PPCDC: variants seen among roughly 807,000 people sequenced by gnomAD.
PPCDC encodes the protein phosphopantothenoylcysteine decarboxylase.
In PPCDC, 20 loss-of-function variants were observed where a neutral mutation model predicts 20.7. The observed-to-expected ratio is 0.97, with a 90% CI of 0.68 to 1.41. The LOEUF is 1.41. Among genes scored for constraint, PPCDC ranks in the 40% most tolerant of loss-of-function variants. The pLI is 0.00. For missense variants in PPCDC, 246 were observed against 263.8 expected, an observed-to-expected ratio of 0.93 and a Z score of 0.47; for synonymous variants, 88 against 100.3, an observed-to-expected ratio of 0.88 and a Z score of 0.73.
Position 75,028,313 on chromosome 15 carries a change from C to A in PPCDC, c.-6C>A. On this transcript the variant is annotated 5_prime_UTR_variant, in exon 2 of 6. Coordinates refer to ENST00000342932, the MANE Select transcript of PPCDC (RefSeq NM_021823.5). ...GCTCCCAGAACTTGAAGCCACCAGA[C>A]CCCACATGGAACCAAAGGCCTCCTG... 1 of 1,613,930 alleles carries A rather than the reference C, an allele frequency of 6.2e-7. No individual in the cohort carries two copies. The highest frequency in any genetic ancestry group is 8.5e-7 in the Non-Finnish European group (1 of 1,179,942).
intron 2 of PPCDC, among the ~76,000 whole-genome samples, chr15:75,039,288 G>A (rs931476416): frequency 2.0e-5 from 3 of 152,132 alleles, no homozygotes; most frequent in African/African-American, 7.2e-5. Context: ...AGGGTTATTT[G>A]TTTTTTCCAG....
At chr15:75,037,865 C>A (rs960468438) in intron 2 of PPCDC, among the ~76,000 whole-genome samples, 6 of 152,030 alleles carry the variant, frequency 3.9e-5, no homozygotes, top group African/African-American at 1.4e-4. Flanking sequence ...CATCTCCTGT[C>A]CTGGGCAAGT....
intron 2 of PPCDC, among the ~76,000 whole-genome samples, chr15:75,040,899 A>G (rs2066145064): frequency 1.3e-5 from 2 of 152,178 alleles, no homozygotes; most frequent in Non-Finnish European, 2.9e-5. Flanking sequence ...CCTGGGCTCA[A>G]GCAGTCTGCC....
intron 2 of PPCDC, among the ~76,000 whole-genome samples, chr15:75,030,427 G>T (rs140756687): frequency 2.3e-3 from 350 of 152,336 alleles, no homozygotes; most frequent in Non-Finnish European, 3.2e-3. Flanking sequence ...ACTGGGAAGA[G>T]CCATGGAAGC....
At chr15:75,028,152 C>T (rs913329599) in intron 1 of PPCDC, 95 bp from the exon 2 acceptor site, 14 of 878,190 alleles carry the variant, frequency 1.6e-5, no homozygotes, top group Non-Finnish European at 2.4e-5. Flanking sequence ...ATCCCTTCCG[C>T]TGCCTCAGCC....
At chr15:75,043,572 G>C in intron 3 of PPCDC, 36 bp downstream of exon 3, 1 of 1,517,716 alleles carries the variant, frequency 6.6e-7, no homozygotes, top group South Asian at 1.2e-5. Flanking sequence ...GTTCCATTGA[G>C]TTTCCACCAG....
intron 1 of PPCDC, among the ~76,000 whole-genome samples, chr15:75,024,462 C>G (rs1039503974): frequency 2.6e-5 from 4 of 152,040 alleles, no homozygotes; most frequent in South Asian, 2.1e-4. Flanking sequence ...ATCCTCCTGC[C>G]TCAGCCTCCT....
intron 5 of PPCDC, 86 bp from the exon 6 acceptor site, chr15:75,049,064 G>T: frequency 7.8e-7 from 1 of 1,285,108 alleles, no homozygotes; most frequent in South Asian, 1.2e-5. Context: ...TTGGGCTCTG[G>T]GTGGAGCACT....
chr15:75,030,629 C>T (rs1170005530), intron 2 of PPCDC, among the ~76,000 whole-genome samples: 1 of 152,220 alleles, frequency 6.6e-6, no homozygotes, highest in Non-Finnish European at 1.5e-5. Flanking sequence ...TGGCCCTGAT[C>T]TCCACATTGC....
chr15:75,042,927 G>A (rs2066170821), intron 2 of PPCDC, among the ~76,000 whole-genome samples: 1 of 152,256 alleles, frequency 6.6e-6, no homozygotes, highest in South Asian at 2.1e-4. Flanking sequence ...AGTACGTGAA[G>A]GGATACTGTC....
chr15:75,048,935 A>C (rs560687322), intron 5 of PPCDC, among the ~76,000 whole-genome samples: 16 of 152,340 alleles, frequency 1.1e-4, no homozygotes, highest in African/African-American at 3.6e-4. Flanking sequence ...AGTCCCTGGC[A>C]CGCAGCCCAC....
In PPCDC at chr15:75,044,219, CTGGCTCCA is replaced by C. The variant is rs773085802; in HGVS notation, c.232-161_232-154del. 4.4e-3 allele frequency among the ~76,000 whole-genome samples: 666 copies of C among 152,326 alleles called. 9 individuals are homozygous for C. Among genetic ancestry groups the C allele is most frequent in the Non-Finnish European group, 5.3e-3 (360 of 68,018 alleles). On this transcript the variant is annotated intron_variant, in intron 3 of 5. Coordinates refer to ENST00000342932, the MANE Select transcript of PPCDC (RefSeq NM_021823.5). ...TCCTCAGGCCTGGTTCTCTCGGCTGCTGGCTCCATGGCTAGCGCTCGCCAGCTTAGCTG... is the reference window on the plus strand; with the variant it reads ...TCCTCAGGCCTGGTTCTCTCGGCTGCTGGCTAGCGCTCGCCAGCTTAGCTG...
rs1040444813 is a variant in PPCDC, at chr15:75,050,237, G to A, written c.*1002G>A. 6.6e-6 allele frequency: 1 copy of A among 152,208 alleles called. No individual in the cohort carries two copies. The highest frequency in any genetic ancestry group is 1.5e-5 in the Non-Finnish European group (1 of 68,032). The allele number at this position is 152,208 out of a possible 1,614,324, so 9.4% of individuals were successfully genotyped here. Reference sequence around the variant, plus strand: ...CAAGTGACAGGTAAGCAGCCAGGAGGGTTGACCCTGCCCTGGGTCCCAGGC... The same window carrying A: ...CAAGTGACAGGTAAGCAGCCAGGAGAGTTGACCCTGCCCTGGGTCCCAGGC... On this transcript the variant is annotated 3_prime_UTR_variant, in exon 6 of 6. Coordinates refer to ENST00000342932, the MANE Select transcript of PPCDC (RefSeq NM_021823.5).
intron 1 of PPCDC, among the ~76,000 whole-genome samples, chr15:75,024,307 G>A (rs1242211263): frequency 1.3e-5 from 2 of 152,016 alleles, no homozygotes; most frequent in East Asian, 1.9e-4. Flanking sequence ...GTGAGTGTGT[G>A]TGTTAGATAC....
At chr15:75,029,636 G>C (rs1470626941) in intron 2 of PPCDC, among the ~76,000 whole-genome samples, 3 of 152,194 alleles carry the variant, frequency 2.0e-5, no homozygotes, top group African/African-American at 7.2e-5. Context: ...CCAGGCCAGA[G>C]TGGGGGAGGG....
At chr15:75,042,783 G>A (rs779232331) in intron 2 of PPCDC, among the ~76,000 whole-genome samples, 2 of 152,098 alleles carry the variant, frequency 1.3e-5, no homozygotes, top group Non-Finnish European at 2.9e-5. Flanking sequence ...CCTGGTTTGC[G>A]TTAGTAATTT....
chr15:75,049,097 C>T (rs2141507946), intron 5 of PPCDC, 53 bp from the exon 6 acceptor site: 1 of 1,513,190 alleles, frequency 6.6e-7, no homozygotes, highest in South Asian at 1.1e-5. Context: ...CAGGGGTCTG[C>T]AGGGCTACAG....
At chr15:75,028,872 G>A (rs944185007) in intron 2 of PPCDC, among the ~76,000 whole-genome samples, 1 of 152,032 alleles carries the variant, frequency 6.6e-6, no homozygotes, top group Non-Finnish European at 1.5e-5. Context: ...CTCCCTCCTC[G>A]TGAGACCTCA....
At chr15:75,025,500 G>A (rs1298537243) in intron 1 of PPCDC, among the ~76,000 whole-genome samples, 1 of 152,194 alleles carries the variant, frequency 6.6e-6, no homozygotes. Context: ...CATCAGAGGA[G>A]ACTTAAACAT....
Sources: allele counts gnomAD v4.1 joint callset (sites outside exome capture counted in the v4.1 genomes callset), GRCh38; gene constraint gnomAD v4.1.1; transcripts MANE v1.5; gene names NCBI Gene and HGNC (gene_info 2026-07-23, HGNC 2026-07-21).